Variants in TNIP3 observed in about 807,000 individuals in gnomAD.
TNIP3 encodes the protein TNFAIP3 interacting protein 3, also known as TNFAIP3-interacting protein 3.
TNIP3 carries 34 observed loss-of-function variants against 54.1 expected under a neutral mutation model. The observed-to-expected ratio is 0.63, with a 90% confidence interval of 0.48 to 0.84. TNIP3 has a LOEUF of 0.84. Among genes scored for constraint, TNIP3 ranks in the 40% least tolerant of loss-of-function variants. TNIP3 has a pLI of 0.00. For missense variants in TNIP3, 366 were observed against 387.6 expected (o/e 0.94, Z 0.47); for synonymous variants, 134 against 136.8 (o/e 0.98, Z 0.14).
At chr4:121,227,242 G>A in intron 1 of TNIP3, 1 of 637,114 alleles carries the variant, frequency 1.6e-6, no homozygotes. Context: ...TATCTTAATT[G>A]TTAATATTAC....
chr4:121,220,345 T>C (rs1353123069), upstream of TNIP3, among the ~76,000 whole-genome samples: 1 of 152,240 alleles, frequency 6.6e-6, no homozygotes, highest in Non-Finnish European at 1.5e-5. Flanking sequence ...AGAGATCTAT[T>C]AGTGGTTGTC....
chr4:121,174,027 CT>C (rs1724150151), intron 3 of TNIP3, among the ~76,000 whole-genome samples: 1 of 152,162 alleles, frequency 6.6e-6, no homozygotes. Context: ...AAAGGCACAT[CT>C]CAGTTGTGTT....
At chr4:121,139,773 T>A (rs2148795784) in intron 9 of TNIP3, among the ~76,000 whole-genome samples, 1 of 152,230 alleles carries the variant, frequency 6.6e-6, no homozygotes, top group Admixed American at 6.5e-5. Flanking sequence ...GGAAATGAGA[T>A]CACCTCTGTT....
At chr4:121,135,163 G>A (rs1478685574) in intron 10 of TNIP3, among the ~76,000 whole-genome samples, 1 of 152,188 alleles carries the variant, frequency 6.6e-6, no homozygotes, top group Admixed American at 6.5e-5. Flanking sequence ...ACTGAGCATT[G>A]TAAATTGTAC....
At chr4:121,206,343 C>G (rs1296582461) in intron 2 of TNIP3, among the ~76,000 whole-genome samples, 1 of 152,146 alleles carries the variant, frequency 6.6e-6, no homozygotes, top group Admixed American at 6.5e-5. Flanking sequence ...ATTTAATCCT[C>G]TCCTTAACAC....
chr4:121,213,466 C>A (rs1010551531), intron 2 of TNIP3, among the ~76,000 whole-genome samples: 7 of 152,048 alleles, frequency 4.6e-5, no homozygotes, highest in African/African-American at 1.7e-4. Flanking sequence ...GTGGCTCACG[C>A]CTGTAATCCC....
chr4:121,208,193 G>A (rs1417120114), intron 2 of TNIP3, among the ~76,000 whole-genome samples: 1 of 152,008 alleles, frequency 6.6e-6, no homozygotes, highest in Middle Eastern at 3.2e-3. Context: ...TCTACCTGGG[G>A]ACCAGACTGC....
chr4:121,164,453 T>A (rs1010371446), upstream of TNIP3: 2 of 625,260 alleles, frequency 3.2e-6, no homozygotes, highest in Non-Finnish European at 4.1e-6. Context: ...ATGTAAATCG[T>A]CATTCTTCCT....
chr4:121,188,841 A>G (rs907476290), intron 2 of TNIP3, among the ~76,000 whole-genome samples: 2 of 152,156 alleles, frequency 1.3e-5, no homozygotes, highest in Non-Finnish European at 2.9e-5. Flanking sequence ...TTTTGTTTGC[A>G]TGACCATCAT....
At chr4:121,174,203 T>C (rs938514741) in intron 3 of TNIP3, among the ~76,000 whole-genome samples, 3 of 152,140 alleles carry the variant, frequency 2.0e-5, no homozygotes, top group African/African-American at 7.2e-5. Context: ...ACACCGTATC[T>C]ATAGATTTAG....
At chr4:121,188,543 A>C (rs759069002) in intron 2 of TNIP3, among the ~76,000 whole-genome samples, 1 of 152,218 alleles carries the variant, frequency 6.6e-6, no homozygotes, top group Non-Finnish European at 1.5e-5. Flanking sequence ...GTTGAATGTC[A>C]TTGTTTAATG....
intron 7 of TNIP3, among the ~76,000 whole-genome samples, chr4:121,144,287 T>A (rs911893678): frequency 6.6e-6 from 1 of 152,242 alleles, no homozygotes; most frequent in Non-Finnish European, 1.5e-5. Flanking sequence ...ATGCTAATTA[T>A]AAACTAAATG....
chr4:121,162,951 C>A (rs935976096), intron 1 of TNIP3, among the ~76,000 whole-genome samples: 1 of 152,120 alleles, frequency 6.6e-6, no homozygotes, highest in Non-Finnish European at 1.5e-5. Context: ...AGATGTGGAA[C>A]AATGAGACAG....
intron 3 of TNIP3, among the ~76,000 whole-genome samples, chr4:121,171,063 A>G (rs1443592520): frequency 6.6e-6 from 1 of 152,076 alleles, no homozygotes; most frequent in Non-Finnish European, 1.5e-5. Context: ...TGATCTGCCC[A>G]TCTCGGTCTC....
intron 10 of TNIP3, among the ~76,000 whole-genome samples, chr4:121,137,059 T>C (rs1307655713): frequency 1.3e-5 from 2 of 152,160 alleles, no homozygotes; most frequent in Non-Finnish European, 2.9e-5. Context: ...TTTCTGAATG[T>C]CATCACAATT....
chr4:121,195,374 A>C (rs1725523333), intron 2 of TNIP3, among the ~76,000 whole-genome samples: 4 of 152,230 alleles, frequency 2.6e-5, no homozygotes, highest in Admixed American at 2.0e-4. Flanking sequence ...ACAGCATCAC[A>C]TAGATTAAAA....
At chr4:121,169,249 C>T (rs191685497), upstream of TNIP3, among the ~76,000 whole-genome samples, 62 of 152,298 alleles carry the variant, frequency 4.1e-4, no homozygotes, top group Non-Finnish European at 7.6e-4. Context: ...CTGCGCCATG[C>T]CCTGGCCACA....
intron 1 of TNIP3, among the ~76,000 whole-genome samples, chr4:121,162,395 A>C (rs1000308526): frequency 1.3e-5 from 2 of 152,222 alleles, no homozygotes; most frequent in Non-Finnish European, 2.9e-5. Context: ...TCTGTGGGTC[A>C]ATAAATTCTG....
Position 121,157,013 on chromosome 4 carries a change from G to C in TNIP3, c.363+81C>G, listed in dbSNP as rs979538634. 1.5e-4 allele frequency: 235 copies of C among 1,570,236 alleles called. 1 individual carries two copies. The African/African-American group carries it at 2.9e-3, about 19-fold the overall frequency. On this transcript the variant is annotated intron_variant, in intron 4 of 10. Coordinates refer to ENST00000057513, the MANE Select transcript of TNIP3 (RefSeq NM_024873.6). ...AGTAGTGAGTTGATTTTAATAAAAC[G>C]GTAGGTTTTCTACAGGAAATCCCCC... is the stretch of plus-strand genomic sequence containing the variant.
Sources: gnomAD v4.1 joint callset for allele counts (sites outside exome capture counted in the v4.1 genomes callset) on GRCh38, gnomAD v4.1.1 for gene constraint, MANE v1.5 for transcripts, NCBI Gene and HGNC (gene_info 2026-07-23, HGNC 2026-07-21) for gene names.